The following FAM227B variants were observed in gnomAD, a reference collection of about 807,000 sequenced individuals.
The protein encoded by FAM227B is protein FAM227B.
A neutral mutation model predicts 73.8 loss-of-function variants in FAM227B; 88 were observed. The observed-to-expected ratio is 1.19, with a 90% CI of 1.00 to 1.42. FAM227B has a LOEUF of 1.42. Among genes scored for constraint, FAM227B ranks in the 40% most tolerant of loss-of-function variants. FAM227B has a pLI of 0.00. For missense variants in FAM227B, 632 were observed against 590.9 expected, an observed-to-expected ratio of 1.07 and a Z score of -0.72; for synonymous variants, 210 against 190.5, an observed-to-expected ratio of 1.10 and a Z score of -0.84.
rs538421070 is a variant in FAM227B at position 49,519,670 on chromosome 15, C to T, written c.875-11322G>A. Among the ~76,000 whole-genome samples the T allele has an allele frequency of 7.2e-5, 11 of 152,290 alleles. No individual in the cohort carries two copies. In the South Asian group the frequency reaches 2.3e-3, roughly 32 times the overall value. ...CAGGGCACCAAGTCCCAAGACTGCACAAAGCAGCAAGGCCCTGGACCCAGC... is the reference window on the plus strand; with the variant it reads ...CAGGGCACCAAGTCCCAAGACTGCATAAAGCAGCAAGGCCCTGGACCCAGC... On this transcript the variant is annotated intron_variant, in intron 10 of 15. Coordinates refer to ENST00000299338, the MANE Select transcript of FAM227B (RefSeq NM_152647.3).
chr15:49,369,125 A>AT (rs3985851), intron 12 of FAM227B, among the ~76,000 whole-genome samples: 4 of 151,334 alleles, frequency 2.6e-5, no homozygotes, highest in African/African-American at 7.3e-5. Flanking sequence ...CGCCTGGCTA[A>AT]TTTTTTTATT....
Position 49,337,395 on chromosome 15 carries a change from G to A in FAM227B, c.1272-1899C>T, listed in dbSNP as rs549768589. 2.1e-4 allele frequency among the ~76,000 whole-genome samples: 32 copies of A among 151,692 alleles called. 1 individual carries two copies. The South Asian group carries it at 4.6e-3, about 22-fold the overall frequency. Reference sequence around the variant, plus strand: ...TAATAATAGTCATCCTGACTGGAGTGAGATGATATCTCATTGTGGTTTTCG... The same window carrying A: ...TAATAATAGTCATCCTGACTGGAGTAAGATGATATCTCATTGTGGTTTTCG... On this transcript the variant is annotated intron_variant, in intron 13 of 15. Transcript: ENST00000299338.
chr15:49,530,136 AATT>A (rs2060502078), intron 10 of FAM227B, among the ~76,000 whole-genome samples: 1 of 151,678 alleles, frequency 6.6e-6, no homozygotes, highest in African/African-American at 2.4e-5. Context: ...GCTTTTTTGC[AATT>A]ATTATGCTTT....
Position 49,327,744 on chromosome 15 carries a change from G to GGACTAGTTTT in FAM227B, c.*823_*824insAAAACTAGTC. On this transcript the variant is annotated 3_prime_UTR_variant, in exon 16 of 16. Transcript: ENST00000299338. ...ACTTACCACTTGGAGTCAAAACCAGGGACTAGATTTAGATACAATGAAAAA... is the reference window on the plus strand; with the variant it reads ...ACTTACCACTTGGAGTCAAAACCAGGGACTAGTTTTGACTAGATTTAGATACAATGAAAAA... 1 of 436,604 alleles carries GGACTAGTTTT rather than the reference G, an allele frequency of 2.3e-6. No homozygotes were observed. Among genetic ancestry groups the GGACTAGTTTT allele is most frequent in the Non-Finnish European group, 4.0e-6 (1 of 249,066 alleles). 27.0% of individuals were successfully genotyped at this position (436,604 alleles called of 1,614,324 possible). A position where few individuals can be genotyped will look rare whatever the true frequency, so the allele number is the denominator to read the frequency against.
chr15:49,615,871 TAAGA>T (rs982697356), intron 1 of FAM227B, among the ~76,000 whole-genome samples: 1 of 152,172 alleles, frequency 6.6e-6, no homozygotes, highest in Non-Finnish European at 1.5e-5. Context: ...ATAATGTTTA[TAAGA>T]AAGATTGGCC....
At chr15:49,567,114 A>G (rs533587625) in intron 9 of FAM227B, among the ~76,000 whole-genome samples, 43 of 152,310 alleles carry the variant, frequency 2.8e-4, no homozygotes, top group African/African-American at 1.0e-3. Flanking sequence ...TAAATAGTTA[A>G]AATAAAAGCC....
intron 3 of FAM227B, among the ~76,000 whole-genome samples, chr15:49,600,599 G>A (rs373504552): frequency 1.3e-5 from 2 of 149,252 alleles, no homozygotes; most frequent in East Asian, 3.9e-4. Context: ...AGGTTGCAGT[G>A]AGCTGAGATC....
chr15:49,565,114 T>C (rs1290601301), intron 9 of FAM227B, among the ~76,000 whole-genome samples: 1 of 152,082 alleles, frequency 6.6e-6, no homozygotes, highest in Non-Finnish European at 1.5e-5. Flanking sequence ...CCGGGCACAG[T>C]AGTTCACACC....
chr15:49,604,424 A>G (rs2077385357), intron 3 of FAM227B, among the ~76,000 whole-genome samples: 1 of 152,014 alleles, frequency 6.6e-6, no homozygotes, highest in East Asian at 1.9e-4. Flanking sequence ...ATCTGCTTAT[A>G]ATCTTATAAC....
At chr15:49,439,114 G>C (rs571508348) in intron 11 of FAM227B, among the ~76,000 whole-genome samples, 1 of 151,776 alleles carries the variant, frequency 6.6e-6, no homozygotes, top group South Asian at 2.1e-4. Context: ...TGGGGCTGAA[G>C]GATCTATATA....
chr15:49,343,506 A>G (rs1205972729), intron 13 of FAM227B: 1 of 152,102 alleles, frequency 6.6e-6, no homozygotes, highest in Non-Finnish European at 1.5e-5. Flanking sequence ...GAGTGACTGT[A>G]TTTTCACTTA....
chr15:49,597,170 A>G (rs773510184), intron 3 of FAM227B, among the ~76,000 whole-genome samples: 2 of 152,058 alleles, frequency 1.3e-5, no homozygotes, highest in East Asian at 1.9e-4. Flanking sequence ...CAGAATATAC[A>G]TTCTATTCAT....
chr15:49,379,070 T>C (rs1028133478), intron 11 of FAM227B, among the ~76,000 whole-genome samples: 1 of 152,224 alleles, frequency 6.6e-6, no homozygotes, highest in Non-Finnish European at 1.5e-5. Flanking sequence ...TTTTTATCTT[T>C]CATTTTGTTG....
At chr15:49,478,697 T>C (rs1341727196) in intron 11 of FAM227B, among the ~76,000 whole-genome samples, 1 of 152,160 alleles carries the variant, frequency 6.6e-6, no homozygotes, top group Non-Finnish European at 1.5e-5. Context: ...TTAGTTATCA[T>C]GCTAGCACAG....
chr15:49,399,658 A>G (rs931601178), intron 11 of FAM227B, among the ~76,000 whole-genome samples: 9 of 150,776 alleles, frequency 6.0e-5, no homozygotes, highest in Admixed American at 6.0e-4. Flanking sequence ...ACCATGATCA[A>G]GTGGGCTTCA....
chr15:49,416,084 T>C (rs1369058624), intron 11 of FAM227B, among the ~76,000 whole-genome samples: 1 of 151,850 alleles, frequency 6.6e-6, no homozygotes, highest in Non-Finnish European at 1.5e-5. Context: ...TCACTACTTT[T>C]TCCATTTTTC....
At chr15:49,383,184 A>T (rs1159880719) in intron 11 of FAM227B, among the ~76,000 whole-genome samples, 2 of 150,484 alleles carry the variant, frequency 1.3e-5, no homozygotes, top group Non-Finnish European at 2.9e-5. Flanking sequence ...TAGGTGGTGG[A>T]GAAGTCTACA....
intron 10 of FAM227B, among the ~76,000 whole-genome samples, chr15:49,517,809 G>A (rs914265768): frequency 1.3e-5 from 2 of 152,118 alleles, no homozygotes; most frequent in African/African-American, 4.8e-5. Flanking sequence ...CATTCCAAGG[G>A]TAACTATTAG....
chr15:49,572,764 C>A (rs2075196802), intron 8 of FAM227B, among the ~76,000 whole-genome samples: 1 of 152,002 alleles, frequency 6.6e-6, no homozygotes, highest in African/African-American at 2.4e-5. Flanking sequence ...CCTTTAGGAG[C>A]TGGACTCAAG....
Sources: allele counts gnomAD v4.1 joint callset (sites outside exome capture counted in the v4.1 genomes callset), GRCh38; gene constraint gnomAD v4.1.1; transcripts MANE v1.5; gene names NCBI Gene and HGNC (gene_info 2026-07-23, HGNC 2026-07-21).